ARID4B: variants seen among roughly 807,000 people sequenced by gnomAD.
ARID4B encodes the protein AT-rich interactive domain-containing protein 4B.
Under a neutral mutation model 147.5 loss-of-function variants are expected in ARID4B, and 26 were observed. The ratio of observed to expected loss-of-function variants is 0.18; its 90% CI spans 0.13 to 0.24. The LOEUF (loss-of-function observed/expected upper bound fraction) is 0.24, where lower values mean the gene tolerates loss of function less well. Ranked by LOEUF, ARID4B falls within the 10% of genes least tolerant of loss-of-function variation. The pLI, the probability that ARID4B is intolerant of heterozygous loss-of-function variation, is 1.00. For synonymous variants in ARID4B, 512 were observed against 507.9 expected (o/e 1.01, Z -0.11); for missense variants, 1,179 against 1,511.5 (o/e 0.78, Z 3.65).
At chr1:235,319,448 C>G (rs1379056608) in intron 2 of ARID4B, among the ~76,000 whole-genome samples, 1 of 152,148 alleles carries the variant, frequency 6.6e-6, no homozygotes, top group African/African-American at 2.4e-5. Context: ...AAGATCAAGG[C>G]TGCAGTGAGC....
At chr1:235,325,232 T>C (rs1243969515) in intron 2 of ARID4B, among the ~76,000 whole-genome samples, 3 of 152,096 alleles carry the variant, frequency 2.0e-5, no homozygotes, top group Admixed American at 2.0e-4. Context: ...AAAAATGCAG[T>C]AGAATGTAAT....
At chr1:235,283,934 G>A (rs554967188) in intron 2 of ARID4B, among the ~76,000 whole-genome samples, 6 of 151,930 alleles carry the variant, frequency 3.9e-5, no homozygotes, top group East Asian at 3.9e-4. Flanking sequence ...ACGGGGTTTC[G>A]ATATGTTGGC....
intron 19 of ARID4B, among the ~76,000 whole-genome samples, chr1:235,192,117 A>G (rs1665153807): frequency 1.3e-5 from 2 of 152,188 alleles, no homozygotes; most frequent in South Asian, 4.1e-4. Flanking sequence ...ATGAAGTAAA[A>G]TAAAAATTAC....
rs569086691 is a variant in ARID4B at position 235,236,778 on chromosome 1, G to T, written c.586-2286C>A. On this transcript the variant is annotated intron_variant, in intron 8 of 23. Transcript: ENST00000264183. The stretch of plus-strand genomic sequence containing the variant: ...TCTGCCCACCTCGGCCTCCCAAAGT[G>T]CTGGGATTACAGGTGTGAGCCGCCG... 3.6e-5 allele frequency among the ~76,000 whole-genome samples: 5 copies of T among 138,612 alleles called. No individual in the cohort carries two copies. The East Asian group carries it at 1.1e-3, about 31-fold the overall frequency. The allele number at this position is 138,612 out of a possible 152,430, so 90.9% of individuals were successfully genotyped here.
At chr1:235,202,048 T>TGTATATAATATATACATATATATAC (rs1359884619) in intron 17 of ARID4B, among the ~76,000 whole-genome samples, 2 of 150,396 alleles carry the variant, frequency 1.3e-5, no homozygotes, top group African/African-American at 4.9e-5. Flanking sequence ...TACATATATA[T>TGTATATAATATATACATATATATAC]ACAATCCAGG....
rs369497728 is a variant in ARID4B at position 235,182,013 on chromosome 1, A to T, written c.2906T>A (p.Leu969Gln). 2 of 1,614,014 alleles carry T rather than the reference A, an allele frequency of 1.2e-6. No individual in the cohort carries two copies. The highest frequency in any genetic ancestry group is 2.2e-5 in the South Asian group (2 of 91,088). ...APEEGVAEES[L>Q]QTVAEEESCS... ...ACTCTCCTCTTCAGCCACAGTCTGC[A>T]GTGACTCCTCTGCCACCCCCTCCTC... Residue 969 changes from leucine to glutamine, a missense_variant, in exon 20 of 24, where the codon CTG becomes CAG. Coordinates refer to ENST00000264183, the MANE Select transcript of ARID4B (RefSeq NM_016374.6).
intron 2 of ARID4B, among the ~76,000 whole-genome samples, chr1:235,262,184 A>G (rs1467964838): frequency 1.3e-5 from 2 of 152,236 alleles, no homozygotes; most frequent in Non-Finnish European, 2.9e-5. Context: ...ATTTTAAAAT[A>G]AATTCTCCCC....
chr1:235,258,098 GA>G, intron 3 of ARID4B, among the ~76,000 whole-genome samples: 1 of 152,242 alleles, frequency 6.6e-6, no homozygotes, highest in East Asian at 1.9e-4. Context: ...TTGGAAGGCC[GA>G]AGCAGGTGGA....
intron 17 of ARID4B, among the ~76,000 whole-genome samples, chr1:235,210,254 T>C (rs1666628428): frequency 6.6e-6 from 1 of 151,870 alleles, no homozygotes; most frequent in Admixed American, 6.6e-5. Flanking sequence ...TCTGAAATAC[T>C]TGTTTCAGAT....
At chr1:235,223,952 G>A (rs896402512) in intron 12 of ARID4B, among the ~76,000 whole-genome samples, 6 of 151,892 alleles carry the variant, frequency 4.0e-5, no homozygotes, top group African/African-American at 1.4e-4. Flanking sequence ...TTCATGTAAA[G>A]AAATAATACA....
intron 8 of ARID4B, among the ~76,000 whole-genome samples, chr1:235,236,051 C>G (rs983608319): frequency 6.6e-6 from 1 of 151,850 alleles, no homozygotes. Flanking sequence ...CTCAGTCTCC[C>G]AAGTAGCTGG....
In ARID4B at chr1:235,182,701, G is replaced by A. The variant is rs1664400629; in HGVS notation, c.2218C>T (p.His740Tyr). ...NNGKEESKID[H>Y]LTNNRNDLIS... ...AGATCATTTCTGTTGTTGGTCAAAT[G>A]ATCAATCTTAGATTCCTCTTTGCCA... Residue 740 changes from histidine (H) to tyrosine (Y), a missense_variant, in exon 20 of 24, where the codon CAT becomes TAT. Coordinates refer to ENST00000264183, the MANE Select transcript of ARID4B (RefSeq NM_016374.6). 3.7e-6 allele frequency: 6 copies of A among 1,613,672 alleles called. No individual in the cohort carries two copies. The highest frequency in any genetic ancestry group is 5.1e-6 in the Non-Finnish European group (6 of 1,179,966).
At position 235,219,928 on chromosome 1, in the gene ARID4B, G is replaced by C. The variant is rs1258799624; in HGVS notation, c.1448C>G (p.Ser483Cys). The C allele has an allele frequency of 3.8e-6, 6 of 1,585,176 alleles. No individual in the cohort carries two copies. The highest frequency in any genetic ancestry group is 2.7e-5 in the African/African-American group (2 of 73,682). Residue 483 changes from serine (S) to cysteine (C), a missense_variant, in exon 16 of 24, where the codon TCT becomes TGT. Around this residue, in one of 10 missense-constraint regions of ARID4B, gnomAD observed 204 missense variants for 210.9 expected, o/e 0.97. Coordinates refer to ENST00000264183, the MANE Select transcript of ARID4B (RefSeq NM_016374.6). ...AATGTTAACTTCTTTTTCCTGATCA[G>C]AATGTGTAGGTATAGATTCTAATAA... is the stretch of plus-strand genomic sequence containing the variant. ...KNLLESIPTH[S>C]DQEKEVNIKK...
chr1:235,262,270 A>G (rs1375832502), intron 2 of ARID4B, among the ~76,000 whole-genome samples: 5 of 152,192 alleles, frequency 3.3e-5, no homozygotes, highest in African/African-American at 9.6e-5. Context: ...TAGTGCTATA[A>G]CAGGAGTGCC....
chr1:235,260,182 T>G (rs1041100963), intron 3 of ARID4B, among the ~76,000 whole-genome samples: 1 of 152,214 alleles, frequency 6.6e-6, no homozygotes, highest in Non-Finnish European at 1.5e-5. Context: ...TATTTCACTG[T>G]TATCTAAGGC....
chr1:235,319,177 G>A (rs6673157), intron 2 of ARID4B, among the ~76,000 whole-genome samples: 1,912 of 152,284 alleles, frequency 0.013, 23 homozygotes, highest in African/African-American at 0.032. Context: ...TAGTAGTGAT[G>A]GATGCACAAA....
In ARID4B at chr1:235,182,490, T is replaced by C. The variant is rs1450294506; in HGVS notation, c.2429A>G (p.Asp810Gly). Residue 810 changes from aspartate to glycine, a missense_variant, in exon 20 of 24, where the codon GAC (aspartate) becomes GGC (glycine). Coordinates refer to ENST00000264183, the MANE Select transcript of ARID4B (RefSeq NM_016374.6). ...TGGTTTTGAAGATTTATCTGTTGTG[T>C]CCTTCTTGACATCCTTTCTCTTTTT... is the stretch of plus-strand genomic sequence containing the variant. ...VTKKRKDVKK[D>G]TTDKSSKPQI... 6.2e-7 allele frequency: 1 copy of C among 1,613,576 alleles called. No individual in the cohort carries two copies. The highest frequency in any genetic ancestry group is 2.2e-5 in the East Asian group (1 of 44,880).
chr1:235,177,773 T>C lies in ARID4B; in HGVS notation c.3448+27A>G, dbSNP rs762690475. 9 of 1,477,138 alleles carry C rather than the reference T, an allele frequency of 6.1e-6. No individual in the cohort carries two copies. In the South Asian group the frequency reaches 8.2e-5, roughly 13 times the overall value. The allele number at this position is 1,477,138 out of a possible 1,614,324, so 91.5% of individuals were successfully genotyped here. A position where few individuals can be genotyped will look rare whatever the true frequency, so the allele number is the denominator to read the frequency against. ...AAATTATCAGCTATTATTTTTATAT[T>C]TTAAAAATTAGAGATTTCACACTTA... On this transcript the variant is annotated intron_variant, in intron 21 of 23. Coordinates refer to ENST00000264183, the MANE Select transcript of ARID4B (RefSeq NM_016374.6).
intron 14 of ARID4B, among the ~76,000 whole-genome samples, chr1:235,220,825 A>G (rs1008977174): frequency 2.0e-5 from 3 of 151,898 alleles, no homozygotes; most frequent in African/African-American, 7.3e-5. Context: ...GTGAGGCTGG[A>G]CTCCTTAGTA....
Sources: allele counts gnomAD v4.1 joint callset (sites outside exome capture counted in the v4.1 genomes callset), GRCh38; gene constraint gnomAD v4.1.1; regional missense constraint gnomAD v4.1.1; transcripts MANE v1.5; gene names NCBI Gene and HGNC (gene_info 2026-07-23, HGNC 2026-07-21).